LINGO2: variants seen among roughly 807,000 people sequenced by gnomAD.
LINGO2 encodes leucine-rich repeat and immunoglobulin-like domain-containing nogo receptor-interacting protein 2.
LINGO2 carries 14 observed loss-of-function variants against 30.6 expected under a neutral mutation model. The ratio of observed to expected loss-of-function variants is 0.46; its 90% confidence interval spans 0.30 to 0.72. The LOEUF is 0.72. LINGO2 is among the 30% of genes least tolerant of loss of function. The pLI is 0.07. For synonymous variants in LINGO2, 317 were observed against 288.5 expected (o/e 1.10, Z -1.00); for missense variants, 729 against 751.7 (o/e 0.97, Z 0.35).
the LINGO2 span, among the ~76,000 whole-genome samples, chr9:28,966,686 T>C: frequency 6.6e-6 from 1 of 152,082 alleles, no homozygotes; most frequent in Non-Finnish European, 1.5e-5. Context: ...GCATATTTTG[T>C]TTATTTGTTT....
the LINGO2 span, among the ~76,000 whole-genome samples, chr9:28,811,107 T>C: frequency 1.4e-4 from 21 of 152,318 alleles, no homozygotes; most frequent in African/African-American, 5.0e-4. Flanking sequence ...AACCTACTTC[T>C]GTATCAGTCT....
chr9:29,043,627 A>G, the LINGO2 span, among the ~76,000 whole-genome samples: 4 of 152,018 alleles, frequency 2.6e-5, no homozygotes, highest in Non-Finnish European at 5.9e-5. Flanking sequence ...CCTGCCACTT[A>G]TGAAATCTGA....
At chr9:28,568,150 T>C (rs1044725496) in intron 1 of LINGO2, among the ~76,000 whole-genome samples, 1 of 151,998 alleles carries the variant, frequency 6.6e-6, no homozygotes, top group African/African-American at 2.4e-5. Flanking sequence ...GACAGTACCT[T>C]TGTGGAAGTG....
the LINGO2 span, among the ~76,000 whole-genome samples, chr9:29,011,175 G>A: frequency 6.6e-6 from 1 of 152,112 alleles, no homozygotes; most frequent in African/African-American, 2.4e-5. Context: ...TTGCATTACT[G>A]TACATATATA....
chr9:28,396,703 C>CAAAAAAAAAAAAAAA (rs60660309), intron 2 of LINGO2, among the ~76,000 whole-genome samples: 3 of 53,130 alleles, frequency 5.6e-5, no homozygotes, highest in African/African-American at 2.2e-4. Flanking sequence ...GACTCCATCT[C>CAAAAAAAAAAAAAAA]AAAAAAAAAA....
At chr9:29,097,282 T>C in the LINGO2 span, among the ~76,000 whole-genome samples, 1 of 137,290 alleles carries the variant, frequency 7.3e-6, no homozygotes, top group African/African-American at 2.7e-5. Flanking sequence ...GTATGCTATT[T>C]CAGTGGAAAT....
chr9:27,968,043 A>G (rs1260009686), intron 5 of LINGO2, among the ~76,000 whole-genome samples: 2 of 152,144 alleles, frequency 1.3e-5, no homozygotes, highest in Non-Finnish European at 2.9e-5. Context: ...TCTGTCCAAA[A>G]AAGAGTAGAA....
chr9:28,224,128 C>T (rs1233191492), intron 4 of LINGO2, among the ~76,000 whole-genome samples: 1 of 152,054 alleles, frequency 6.6e-6, no homozygotes, highest in African/African-American at 2.4e-5. Context: ...GCAGTGGTGC[C>T]ATCTCGGCTC....
the LINGO2 span, among the ~76,000 whole-genome samples, chr9:28,972,002 C>G: frequency 2.0e-5 from 3 of 152,222 alleles, no homozygotes; most frequent in Admixed American, 6.5e-5. Flanking sequence ...AGAGTCTCTA[C>G]CTGGTAATCC....
At chr9:29,157,528 T>C in the LINGO2 span, among the ~76,000 whole-genome samples, 1 of 152,180 alleles carries the variant, frequency 6.6e-6, no homozygotes, top group African/African-American at 2.4e-5. Context: ...TCTCACACAC[T>C]GCAATTTCCA....
chr9:29,173,968 T>C, the LINGO2 span, among the ~76,000 whole-genome samples: 2 of 152,028 alleles, frequency 1.3e-5, no homozygotes, highest in Non-Finnish European at 2.9e-5. Flanking sequence ...AATGCATGTG[T>C]GTTTTACTGT....
the LINGO2 span, among the ~76,000 whole-genome samples, chr9:28,675,905 G>GTATA: frequency 0.027 from 3,413 of 125,962 alleles, 82 homozygotes; most frequent in African/African-American, 0.061. Context: ...GTGTGTGTAT[G>GTATA]TATATATATA....
the LINGO2 span, among the ~76,000 whole-genome samples, chr9:29,142,721 C>T: frequency 6.6e-6 from 1 of 151,870 alleles, no homozygotes. Context: ...AACATTTCCT[C>T]TAAGATTAGA....
the LINGO2 span, among the ~76,000 whole-genome samples, chr9:28,722,689 G>A: frequency 6.6e-6 from 1 of 152,092 alleles, no homozygotes; most frequent in South Asian, 2.1e-4. Context: ...GTCTTTTGAA[G>A]GTCACTGATA....
At chr9:28,709,072 G>A in the LINGO2 span, among the ~76,000 whole-genome samples, 2 of 152,206 alleles carry the variant, frequency 1.3e-5, no homozygotes, top group South Asian at 2.1e-4. Context: ...CAGATAGTCT[G>A]ATGGATGTTC....
chr9:28,914,728 T>C, the LINGO2 span, among the ~76,000 whole-genome samples: 1 of 152,220 alleles, frequency 6.6e-6, no homozygotes, highest in East Asian at 1.9e-4. Context: ...TTTTGGTATC[T>C]TCCAGTGTCC....
At chr9:28,347,260 T>G (rs971037876) in intron 3 of LINGO2, among the ~76,000 whole-genome samples, 4 of 152,202 alleles carry the variant, frequency 2.6e-5, no homozygotes, top group African/African-American at 7.2e-5. Context: ...TTATTGGATA[T>G]TTAAATATTC....
At chr9:28,598,418 C>CAAAAAAAAAAAAAAAAA (rs766825127) in intron 1 of LINGO2, among the ~76,000 whole-genome samples, 1 of 109,096 alleles carries the variant, frequency 9.2e-6, no homozygotes, top group Non-Finnish European at 1.8e-5. Flanking sequence ...TTCTCCATAT[C>CAAAAAAAAAAAAAAAAA]AAAAAAAAAA....
chr9:28,481,923 T>A (rs1825986254), intron 1 of LINGO2, among the ~76,000 whole-genome samples: 1 of 152,146 alleles, frequency 6.6e-6, no homozygotes, highest in South Asian at 2.1e-4. Context: ...GATTTCCAAT[T>A]TCATCCATGT....
Sources: allele counts gnomAD v4.1 joint callset (sites outside exome capture counted in the v4.1 genomes callset), GRCh38; gene constraint gnomAD v4.1.1; transcripts MANE v1.5; gene names NCBI Gene and HGNC (gene_info 2026-07-23, HGNC 2026-07-21).